The following POLR3B variants were observed in gnomAD, a reference collection of about 807,000 sequenced individuals.
POLR3B encodes the protein RNA polymerase III subunit B.
Under a neutral mutation model 147.4 loss-of-function variants are expected in POLR3B, and 96 were observed. That is an observed-to-expected ratio of 0.65 (90% CI 0.55 to 0.77). POLR3B has a LOEUF of 0.77. Ranked by LOEUF, POLR3B falls within the 30% of genes least tolerant of loss-of-function variation. POLR3B has a pLI of 0.00. For missense variants in POLR3B, 1,036 were observed against 1,413.5 expected, an observed-to-expected ratio of 0.73 and a Z score of 4.28; for synonymous variants, 461 against 485.9, an observed-to-expected ratio of 0.95 and a Z score of 0.67.
At chr12:106,455,991 G>A (rs2037859140) in intron 20 of POLR3B, among the ~76,000 whole-genome samples, 1 of 152,114 alleles carries the variant, frequency 6.6e-6, no homozygotes, top group East Asian at 1.9e-4. Flanking sequence ...GTTTTTGGTG[G>A]AAAATTGTTA....
intron 2 of POLR3B, among the ~76,000 whole-genome samples, chr12:106,364,984 A>C (rs2136880763): frequency 6.6e-6 from 1 of 152,264 alleles, no homozygotes; most frequent in South Asian, 2.1e-4. Context: ...AGATACAAAA[A>C]ATTAGCTGGG....
Position 106,509,672 on chromosome 12 carries a change from A to T in POLR3B, c.*123A>T, listed in dbSNP as rs1433299512. The T allele has an allele frequency of 1.1e-6, 1 of 902,466 alleles. No individual in the cohort carries two copies. Among genetic ancestry groups the T allele is most frequent in the East Asian group, 2.8e-5 (1 of 36,232 alleles). 55.9% of individuals were successfully genotyped at this position (902,466 alleles called of 1,614,324 possible). ...CCTTGCGTATTCTCTCTCTAAAACA[A>T]CCAAAAAAAAATGGAGAGGCTTTTT... On this transcript the variant is annotated 3_prime_UTR_variant, in exon 28 of 28. Coordinates refer to ENST00000228347, the MANE Select transcript of POLR3B (RefSeq NM_018082.6).
At chr12:106,424,255 T>A (rs1269948686) in intron 12 of POLR3B, among the ~76,000 whole-genome samples, 2 of 152,206 alleles carry the variant, frequency 1.3e-5, no homozygotes, top group African/African-American at 4.8e-5. Flanking sequence ...GGTTTTGGTT[T>A]GGTTTAGTTT....
intron 23 of POLR3B, among the ~76,000 whole-genome samples, chr12:106,490,405 A>G (rs1288373336): frequency 6.6e-6 from 1 of 152,238 alleles, no homozygotes; most frequent in African/African-American, 2.4e-5. Flanking sequence ...CTCATGGGAA[A>G]GCCGTGTAAA....
At chr12:106,497,387 T>C (rs920479764) in intron 25 of POLR3B, among the ~76,000 whole-genome samples, 5 of 152,092 alleles carry the variant, frequency 3.3e-5, no homozygotes, top group African/African-American at 4.8e-5. Flanking sequence ...ATTTGGAAAG[T>C]AGATTTTTGG....
chr12:106,437,993 A>G (rs1191851638), intron 18 of POLR3B, among the ~76,000 whole-genome samples: 1 of 152,136 alleles, frequency 6.6e-6, no homozygotes, highest in Non-Finnish European at 1.5e-5. Flanking sequence ...CCCATCACCT[A>G]GGTATTAAGC....
At chr12:106,381,067 T>C (rs1175438292) in intron 9 of POLR3B, among the ~76,000 whole-genome samples, 10 of 152,250 alleles carry the variant, frequency 6.6e-5, no homozygotes, top group African/African-American at 9.6e-5. Context: ...CTAACAATTA[T>C]CTGAGTCATA....
At chr12:106,404,336 G>T (rs781202180) in intron 10 of POLR3B, among the ~76,000 whole-genome samples, 23 of 152,008 alleles carry the variant, frequency 1.5e-4, no homozygotes, top group Non-Finnish European at 2.9e-4. Context: ...CAGGTGATCT[G>T]CCCGCCTCGG....
At chr12:106,505,916 A>G (rs1386321169) in intron 27 of POLR3B, among the ~76,000 whole-genome samples, 6 of 152,238 alleles carry the variant, frequency 3.9e-5, no homozygotes, top group Non-Finnish European at 1.5e-5. Context: ...AACGCAGTGT[A>G]TCCCTTGCCA....
chr12:106,390,899 G>A (rs2036905129), intron 9 of POLR3B, among the ~76,000 whole-genome samples: 2 of 152,116 alleles, frequency 1.3e-5, no homozygotes, highest in Non-Finnish European at 2.9e-5. Context: ...CACAAGCTGA[G>A]CATAGTAGCA....
intron 23 of POLR3B, among the ~76,000 whole-genome samples, chr12:106,474,788 C>A (rs1361017128): frequency 2.6e-5 from 4 of 151,202 alleles, no homozygotes; most frequent in Admixed American, 2.6e-4. Context: ...AGCGGTCTAT[C>A]AATTTTGTTG....
intron 21 of POLR3B, among the ~76,000 whole-genome samples, chr12:106,458,312 T>C (rs1172388177): frequency 6.6e-6 from 1 of 151,944 alleles, no homozygotes. Flanking sequence ...TTTGTAGAGA[T>C]GAGGTCTTAC....
At chr12:106,372,010 A>G (rs1380235663) in intron 6 of POLR3B, among the ~76,000 whole-genome samples, 1 of 152,216 alleles carries the variant, frequency 6.6e-6, no homozygotes, top group African/African-American at 2.4e-5. Flanking sequence ...GCTATGTGCC[A>G]TACTATGATA....
At chr12:106,430,527 G>C (rs976644096) in intron 14 of POLR3B, 54 bp downstream of exon 14, 1 of 1,426,500 alleles carries the variant, frequency 7.0e-7, no homozygotes, top group African/African-American at 1.4e-5. Flanking sequence ...CTATGTCTGT[G>C]CATGGGGTGG....
intron 11 of POLR3B, among the ~76,000 whole-genome samples, chr12:106,408,282 G>C (rs1014983152): frequency 6.6e-6 from 1 of 152,238 alleles, no homozygotes; most frequent in East Asian, 1.9e-4. Flanking sequence ...GGAAAAACAC[G>C]GGCAGATATT....
intron 19 of POLR3B, among the ~76,000 whole-genome samples, chr12:106,449,907 A>T (rs2037775397): frequency 6.6e-6 from 1 of 152,220 alleles, no homozygotes. Flanking sequence ...TGAGAATATT[A>T]AAATCATTAA....
chr12:106,451,472 A>G (rs2037794981), intron 19 of POLR3B, among the ~76,000 whole-genome samples: 3 of 151,898 alleles, frequency 2.0e-5, no homozygotes, highest in South Asian at 4.2e-4. Context: ...AAATACAAAA[A>G]TTAGCTGAGT....
intron 22 of POLR3B, among the ~76,000 whole-genome samples, chr12:106,461,344 T>C (rs11113000): frequency 9.5e-4 from 145 of 152,256 alleles, no homozygotes; most frequent in African/African-American, 3.4e-3. Flanking sequence ...CTGCCCACCT[T>C]GGCCTCCCAA....
intron 25 of POLR3B, among the ~76,000 whole-genome samples, chr12:106,499,851 C>T (rs1250147731): frequency 1.3e-5 from 2 of 152,202 alleles, no homozygotes; most frequent in East Asian, 3.8e-4. Context: ...GGCCTGATGA[C>T]CACAAAAGCC....
Sources: allele counts gnomAD v4.1 joint callset (sites outside exome capture counted in the v4.1 genomes callset), GRCh38; gene constraint gnomAD v4.1.1; transcripts MANE v1.5; gene names NCBI Gene and HGNC (gene_info 2026-07-23, HGNC 2026-07-21).